The following C12orf50 variants were observed in gnomAD, a reference collection of about 807,000 sequenced individuals.
C12orf50 encodes the protein uncharacterized protein C12orf50.
In C12orf50, 35 loss-of-function variants were observed where a neutral mutation model predicts 61.6. The ratio of observed to expected loss-of-function variants is 0.57; its 90% CI spans 0.43 to 0.75. The LOEUF is 0.75. C12orf50 is among the 30% of genes least tolerant of loss of function. C12orf50 has a pLI of 0.00. For synonymous variants in C12orf50, 178 were observed against 161.5 expected (o/e 1.10, Z -0.77); for missense variants, 475 against 488.5 (o/e 0.97, Z 0.26).
Position 87,994,742 on chromosome 12 carries a change from T to A in C12orf50, c.483A>T (p.Gly161=). ...GTTTTGTCGGAACTGTAAGACTATCTCCTAGAAATAAGAAGAAAAAAAAGT... is the reference window on the plus strand; with the variant it reads ...GTTTTGTCGGAACTGTAAGACTATCACCTAGAAATAAGAAGAAAAAAAAGT... ...PLENGSELQE[G]DSLTVPTKLS... Residue 161 remains glycine (G), a splice_region_variant and synonymous_variant, in exon 7 of 13, where the codon GGA becomes GGT. Transcript: ENST00000298699. 6.3e-7 allele frequency: 1 copy of A among 1,594,240 alleles called. No homozygotes were observed.
At chr12:88,028,510 A>G (rs2032787548) in intron 1 of C12orf50, among the ~76,000 whole-genome samples, 1 of 152,170 alleles carries the variant, frequency 6.6e-6, no homozygotes, top group South Asian at 2.1e-4. Context: ...TTAACTTTAT[A>G]AAGTTTAATT....
chr12:88,000,242 G>C (rs967833154), intron 3 of C12orf50, among the ~76,000 whole-genome samples: 6 of 152,032 alleles, frequency 3.9e-5, no homozygotes, highest in African/African-American at 1.4e-4. Flanking sequence ...TACTTTGCAT[G>C]TGACTATCTA....
intron 6 of C12orf50, among the ~76,000 whole-genome samples, chr12:87,995,114 T>C (rs2031322105): frequency 6.6e-6 from 1 of 152,150 alleles, no homozygotes; most frequent in Non-Finnish European, 1.5e-5. Flanking sequence ...TTAGAGTCAC[T>C]ATTGACTACA....
At chr12:87,995,342 G>T (rs1038984573) in intron 6 of C12orf50, among the ~76,000 whole-genome samples, 2 of 152,038 alleles carry the variant, frequency 1.3e-5, no homozygotes, top group African/African-American at 4.8e-5. Context: ...GGGAAAAGAA[G>T]GTTATAAATG....
In C12orf50 at chr12:87,996,656, A is replaced by G; in HGVS notation, c.290-10T>C. 6.3e-7 allele frequency: 1 copy of G among 1,574,816 alleles called. No homozygotes were observed. The highest frequency in any genetic ancestry group is 1.2e-5 in the South Asian group (1 of 86,030). On this transcript the variant is annotated splice_polypyrimidine_tract_variant and intron_variant, in intron 4 of 12. Coordinates refer to ENST00000298699, the MANE Select transcript of C12orf50 (RefSeq NM_152589.3). ...CATAAACTAGAAGCATCTATAGGATATAGATTTTTTAAATTAAATTGTCCC... is the reference window on the plus strand; with the variant it reads ...CATAAACTAGAAGCATCTATAGGATGTAGATTTTTTAAATTAAATTGTCCC...
intron 4 of C12orf50, among the ~76,000 whole-genome samples, chr12:87,997,095 C>G (rs2031429046): frequency 6.6e-6 from 1 of 152,104 alleles, no homozygotes; most frequent in Non-Finnish European, 1.5e-5. Flanking sequence ...TATATACACA[C>G]TTTCTGGCAC....
At chr12:87,980,530 C>T (rs2030406771) in intron 12 of C12orf50, among the ~76,000 whole-genome samples, 174 bp from the exon 13 acceptor site, 1 of 152,030 alleles carries the variant, frequency 6.6e-6, no homozygotes, top group Non-Finnish European at 1.5e-5. Flanking sequence ...CTTTTTGATT[C>T]TTACTATGTT....
chr12:88,016,719 G>C (rs1437100530), intron 3 of C12orf50, among the ~76,000 whole-genome samples: 5 of 152,136 alleles, frequency 3.3e-5, no homozygotes, highest in Non-Finnish European at 7.4e-5. Flanking sequence ...GCTATGTTAG[G>C]TGCTTGAGAT....
intron 3 of C12orf50, among the ~76,000 whole-genome samples, chr12:88,016,327 A>G (rs1592679794): frequency 6.6e-6 from 1 of 152,176 alleles, no homozygotes; most frequent in East Asian, 1.9e-4. Flanking sequence ...GACACTCATA[A>G]AGGTAGATAT....
Position 88,014,101 on chromosome 12 carries a change from C to T in C12orf50, c.133+12387G>A, listed in dbSNP as rs542503319. On this transcript the variant is annotated intron_variant, in intron 3 of 12. Coordinates refer to ENST00000298699, the MANE Select transcript of C12orf50 (RefSeq NM_152589.3). ...AATACTGTAAATTAAAGGGGAAAGG[C>T]AGTCTTCTATAAAATATAAAAAACT... 2.0e-5 allele frequency among the ~76,000 whole-genome samples: 3 copies of T among 152,186 alleles called. No individual in the cohort carries two copies. In the East Asian group the frequency reaches 5.8e-4, roughly 29 times the overall value.
chr12:87,985,957 T>C lies in C12orf50; in HGVS notation c.1019A>G (p.Asp340Gly), dbSNP rs1399083949. The C allele has an allele frequency of 6.2e-7, 1 of 1,613,888 alleles. No homozygotes were observed. Among genetic ancestry groups the C allele is most frequent in the Admixed American group, 1.7e-5 (1 of 59,980 alleles). The part of the protein sequence containing the change: ...ENASYIHVQR[D>G]AVRTVALNAP... ...ATTCAACGCGACAGTCCTGACAGCA[T>C]CTCTTTGAACGTGGATATAGGATGC... Residue 340 changes from aspartate (D) to glycine (G), a missense_variant, in exon 11 of 13, where the codon GAT (aspartate) becomes GGT (glycine). Physicochemically the swap from Asp to Gly is moderately conservative, Grantham distance 94. Coordinates refer to ENST00000298699, the MANE Select transcript of C12orf50 (RefSeq NM_152589.3).
intron 3 of C12orf50, 145 bp from the exon 4 acceptor site, chr12:87,998,335 AC>A: frequency 3.7e-6 from 2 of 533,690 alleles, no homozygotes; most frequent in Non-Finnish European, 5.8e-6. Context: ...GTGTTTCTAC[AC>A]ACTAGCAATG....
At chr12:88,022,811 T>C (rs1192727019) in intron 3 of C12orf50, among the ~76,000 whole-genome samples, 3 of 151,982 alleles carry the variant, frequency 2.0e-5, no homozygotes, top group African/African-American at 7.2e-5. Context: ...AGGTGAAAGA[T>C]CTTTACAATG....
At chr12:87,996,749 T>C (rs1017862408) in intron 4 of C12orf50, 103 bp from the exon 5 acceptor site, 1 of 755,066 alleles carries the variant, frequency 1.3e-6, no homozygotes, top group Non-Finnish European at 2.1e-6. Context: ...CATGGATAGA[T>C]TACTTTTTTA....
chr12:87,993,137 AC>A (rs1431123841), intron 7 of C12orf50, among the ~76,000 whole-genome samples: 4 of 152,146 alleles, frequency 2.6e-5, no homozygotes, highest in Non-Finnish European at 4.4e-5. Flanking sequence ...CATTACTCTA[AC>A]AATATTATTA....
intron 3 of C12orf50, among the ~76,000 whole-genome samples, chr12:88,003,126 CAG>C (rs34975775): frequency 0.029 from 4,351 of 151,860 alleles, 219 homozygotes; most frequent in African/African-American, 0.098. Context: ...GTTCTATAAA[CAG>C]AGACTATTAA....
At chr12:88,029,721 G>A (rs2032829276), upstream of C12orf50, among the ~76,000 whole-genome samples, 1 of 151,968 alleles carries the variant, frequency 6.6e-6, no homozygotes, top group African/African-American at 2.4e-5. Flanking sequence ...CTAAAAATTT[G>A]CCATAGGTAA....
intron 3 of C12orf50, among the ~76,000 whole-genome samples, chr12:88,005,667 T>A (rs1303115923): frequency 1.3e-5 from 2 of 152,038 alleles, no homozygotes; most frequent in Non-Finnish European, 2.9e-5. Context: ...GGAGACGGAG[T>A]CTCGCTCTGT....
In C12orf50 at chr12:87,986,360, A is replaced by C; in HGVS notation, c.874T>G (p.Trp292Gly). 6.2e-7 allele frequency: 1 copy of C among 1,611,706 alleles called. No individual in the cohort carries two copies. Among genetic ancestry groups the C allele is most frequent in the Non-Finnish European group, 8.5e-7 (1 of 1,179,084 alleles). ...PHFKGVKKRKWIYDEPQNFPN... is the reference protein window; with the variant it reads ...PHFKGVKKRKGIYDEPQNFPN... ...AAGTTCTGTGGTTCATCATAAATCC[A>C]TTTTCTTTTCTTCACACCTTTAAAA... is the stretch of plus-strand genomic sequence containing the variant. The change falls in exon 10 of 13, where the codon TGG becomes GGG. Residue 292 changes from tryptophan to glycine, a missense_variant. Coordinates refer to ENST00000298699, the MANE Select transcript of C12orf50 (RefSeq NM_152589.3).
Sources: allele counts gnomAD v4.1 joint callset (sites outside exome capture counted in the v4.1 genomes callset), GRCh38; gene constraint gnomAD v4.1.1; transcripts MANE v1.5; gene names NCBI Gene and HGNC (gene_info 2026-07-23, HGNC 2026-07-21).